The following EDIL3 variants were observed in gnomAD, a reference collection of about 807,000 sequenced individuals.
EDIL3 encodes the protein EGF like and discoidin domains 3.
Under a neutral mutation model 67.4 loss-of-function variants are expected in EDIL3, and 37 were observed. That is an observed-to-expected ratio of 0.55 (90% CI 0.42 to 0.72). The LOEUF (loss-of-function observed/expected upper bound fraction) is 0.72, where lower values mean the gene tolerates loss of function less well. Ranked by LOEUF, EDIL3 falls within the 30% of genes least tolerant of loss-of-function variation. EDIL3 has a pLI of 0.00. For missense variants in EDIL3, 527 were observed against 586.3 expected, an observed-to-expected ratio of 0.90 and a Z score of 1.04; for synonymous variants, 195 against 196.3, an observed-to-expected ratio of 0.99 and a Z score of 0.05.
intron 9 of EDIL3, among the ~76,000 whole-genome samples, chr5:84,016,098 G>T (rs1745599524): frequency 6.6e-6 from 1 of 152,012 alleles, no homozygotes; most frequent in Non-Finnish European, 1.5e-5. Context: ...TTGTGTTCAT[G>T]AGTTCTCATC....
intron 10 of EDIL3, among the ~76,000 whole-genome samples, chr5:83,954,438 T>C (rs753973034): frequency 6.6e-6 from 1 of 151,708 alleles, no homozygotes; most frequent in African/African-American, 2.4e-5. Context: ...GTTCTTGCTC[T>C]ATTAGTTCAC....
chr5:84,155,912 C>G lies in EDIL3; in HGVS notation c.356-18558G>C, dbSNP rs571138522. Among the ~76,000 whole-genome samples, 272 of 152,150 alleles carry G rather than the reference C, an allele frequency of 1.8e-3. 1 individual carries two copies. The highest frequency in any genetic ancestry group is 6.2e-3 in the African/African-American group (258 of 41,512). ...CAAATGTCTGGTGAACCTTGATTGC[C>G]TACTTACACGAATGAAAGACTAGAT... On this transcript the variant is annotated intron_variant, in intron 4 of 10. Transcript: ENST00000296591.
At chr5:84,347,623 T>C (rs1747262389) in intron 1 of EDIL3, among the ~76,000 whole-genome samples, 1 of 152,228 alleles carries the variant, frequency 6.6e-6, no homozygotes, top group African/African-American at 2.4e-5. Context: ...CATTAAAGTC[T>C]AAAATCTAAT....
At chr5:84,374,939 C>A (rs1298022732) in intron 1 of EDIL3, among the ~76,000 whole-genome samples, 1 of 151,338 alleles carries the variant, frequency 6.6e-6, no homozygotes, top group Non-Finnish European at 1.5e-5. Context: ...AACCTCCTTC[C>A]TTTATAAATT....
At chr5:84,329,029 T>C (rs564451204) in intron 1 of EDIL3, among the ~76,000 whole-genome samples, 2 of 152,244 alleles carry the variant, frequency 1.3e-5, no homozygotes, top group African/African-American at 4.8e-5. Context: ...ATTATCTGCA[T>C]ATTAAATGAT....
At chr5:83,950,590 T>C (rs1045117254) in intron 10 of EDIL3, among the ~76,000 whole-genome samples, 7 of 151,880 alleles carry the variant, frequency 4.6e-5, no homozygotes, top group Non-Finnish European at 8.8e-5. Context: ...TTGTTTATTT[T>C]GGCCCATAAG....
chr5:84,163,466 T>C (rs1050404271), intron 4 of EDIL3, among the ~76,000 whole-genome samples: 3 of 152,106 alleles, frequency 2.0e-5, no homozygotes, highest in African/African-American at 7.2e-5. Context: ...TTTAAGGAAA[T>C]AAGGTAATTT....
At chr5:84,288,676 T>G (rs1251585384) in intron 1 of EDIL3, among the ~76,000 whole-genome samples, 2 of 152,122 alleles carry the variant, frequency 1.3e-5, no homozygotes, top group Non-Finnish European at 2.9e-5. Flanking sequence ...CTCATCTTCC[T>G]TAAGTCTTTA....
intron 5 of EDIL3, among the ~76,000 whole-genome samples, chr5:84,118,623 A>G (rs1169779488): frequency 1.3e-5 from 2 of 152,182 alleles, no homozygotes; most frequent in South Asian, 2.1e-4. Context: ...ACAGAACCCT[A>G]AAGAAAAAGT....
At position 84,226,932 on chromosome 5, in the gene EDIL3, G is replaced by A. The variant is rs766102277; in HGVS notation, c.226+2923C>T. On this transcript the variant is annotated intron_variant, in intron 3 of 10. Coordinates refer to ENST00000296591, the MANE Select transcript of EDIL3 (RefSeq NM_005711.5). The stretch of plus-strand genomic sequence containing the variant: ...AGTGAGGAGAGAAGTTATGAAAATA[G>A]ATTTAGAATAAGAAAAGTACACAAG... 2.0e-5 allele frequency among the ~76,000 whole-genome samples: 3 copies of A among 151,926 alleles called. No homozygotes were observed. The South Asian group carries it at 6.2e-4, about 31-fold the overall frequency.
chr5:84,063,684 C>A (rs1488743001), intron 8 of EDIL3, among the ~76,000 whole-genome samples: 1 of 152,018 alleles, frequency 6.6e-6, no homozygotes, highest in Non-Finnish European at 1.5e-5. Context: ...CTATAGGCAA[C>A]CTCTTGAAAT....
At chr5:83,993,847 C>T (rs542434173) in intron 9 of EDIL3, among the ~76,000 whole-genome samples, 1 of 152,184 alleles carries the variant, frequency 6.6e-6, no homozygotes, top group Non-Finnish European at 1.5e-5. Context: ...CCCTCCCTAG[C>T]ACCCACTCTG....
intron 6 of EDIL3, 38 bp downstream of exon 6, chr5:84,106,611 G>T: frequency 2.0e-6 from 3 of 1,511,514 alleles, no homozygotes; most frequent in South Asian, 1.3e-5. Context: ...ATTTAAAAAT[G>T]ACTTATAACA....
chr5:84,104,430 T>C (rs1322874237), intron 6 of EDIL3, among the ~76,000 whole-genome samples: 1 of 151,064 alleles, frequency 6.6e-6, no homozygotes, highest in African/African-American at 2.4e-5. Flanking sequence ...TTGTAAAAAA[T>C]AACATTAAAA....
chr5:84,271,076 T>C (rs945817933), intron 1 of EDIL3, among the ~76,000 whole-genome samples: 5 of 152,228 alleles, frequency 3.3e-5, no homozygotes, highest in Non-Finnish European at 7.3e-5. Flanking sequence ...TTAAAATTCA[T>C]CTTTTCTGAG....
chr5:84,371,448 TATAGAGAG>T (rs200657192), intron 1 of EDIL3, among the ~76,000 whole-genome samples: 6,606 of 93,090 alleles, frequency 0.071, 144 homozygotes, highest in South Asian at 0.13. Context: ...TATATATATA[TATAGAGAG>T]AGAGAGAGAG....
At chr5:84,224,460 A>G (rs1039672681) in intron 3 of EDIL3, among the ~76,000 whole-genome samples, 2 of 151,312 alleles carry the variant, frequency 1.3e-5, no homozygotes, top group East Asian at 3.9e-4. Flanking sequence ...TTTTTTTTCC[A>G]AGGGACATAG....
chr5:84,017,468 T>C (rs942126379), intron 9 of EDIL3, among the ~76,000 whole-genome samples: 4 of 152,216 alleles, frequency 2.6e-5, no homozygotes, highest in East Asian at 1.9e-4. Context: ...GTATCTTTCA[T>C]GAGCAAATAT....
intron 6 of EDIL3, among the ~76,000 whole-genome samples, chr5:84,081,936 T>C (rs1288125954): frequency 1.3e-5 from 2 of 152,088 alleles, no homozygotes; most frequent in East Asian, 3.9e-4. Flanking sequence ...TCACACTGAG[T>C]GGATTTCAAA....
Sources: allele counts gnomAD v4.1 joint callset (sites outside exome capture counted in the v4.1 genomes callset), GRCh38; gene constraint gnomAD v4.1.1; transcripts MANE v1.5; gene names NCBI Gene and HGNC (gene_info 2026-07-23, HGNC 2026-07-21).